BAIAP2: variants seen among roughly 807,000 people sequenced by gnomAD.
BAIAP2 encodes the protein BAR/IMD domain containing adaptor protein 2.
BAIAP2 carries 18 observed loss-of-function variants against 63.0 expected under a neutral mutation model. The observed-to-expected ratio is 0.29, with a 90% CI of 0.20 to 0.42. The LOEUF (loss-of-function observed/expected upper bound fraction) is 0.42. Among genes scored for constraint, BAIAP2 ranks in the 10% least tolerant of loss-of-function variants. BAIAP2 has a pLI of 1.00. For missense variants in BAIAP2, 610 were observed against 734.3 expected (o/e 0.83, Z 1.96); for synonymous variants, 386 against 307.6 (o/e 1.25, Z -2.67).
rs760526430 is a variant in BAIAP2 at position 81,057,939 on chromosome 17, C to T, written c.189C>T (p.Ala63=). The stretch of plus-strand genomic sequence containing the variant: ...CCCTGGTGAAGATGGGGGAGCTGGC[C>T]AGCGAGAGCCAGGGCTCCAAAGAAC... The part of the protein sequence containing the change: ...FDALVKMGEL[A]SESQGSKELG... Residue 63 remains alanine, a synonymous_variant, in exon 3 of 14, where the codon GCC becomes GCT. Transcript: ENST00000428708. The T allele has an allele frequency of 2.5e-6, 4 of 1,587,416 alleles. No homozygotes were observed. Among genetic ancestry groups the T allele is most frequent in the Middle Eastern group, 1.8e-4 (1 of 5,700 alleles).
At chr17:81,081,793 C>T (rs1266319594) in intron 3 of BAIAP2, among the ~76,000 whole-genome samples, 1 of 152,182 alleles carries the variant, frequency 6.6e-6, no homozygotes, top group Non-Finnish European at 1.5e-5. Context: ...GAGAGGCCAC[C>T]GCAGTGGTGC....
chr17:81,049,135 C>T (rs902419467), intron 1 of BAIAP2, among the ~76,000 whole-genome samples: 5 of 152,266 alleles, frequency 3.3e-5, no homozygotes, highest in African/African-American at 9.6e-5. Flanking sequence ...CACAGCAGAG[C>T]TCTGCACGCG....
chr17:81,078,094 G>A (rs902727554), intron 3 of BAIAP2, among the ~76,000 whole-genome samples: 2 of 150,262 alleles, frequency 1.3e-5, no homozygotes, highest in African/African-American at 2.5e-5. Context: ...TCTGGGTGCC[G>A]GTGCGGGTGT....
rs543773169 is a variant in BAIAP2 at position 81,055,960 on chromosome 17, G to A, written c.131-1921G>A. 2.4e-4 allele frequency among the ~76,000 whole-genome samples: 36 copies of A among 152,248 alleles called. 1 individual carries two copies. The highest frequency in any genetic ancestry group is 6.7e-4 in the African/African-American group (28 of 41,550). On this transcript the variant is annotated intron_variant, in intron 2 of 13. Coordinates refer to ENST00000428708, the MANE Select transcript of BAIAP2 (RefSeq NM_001144888.2). ...CTTCTTGGATGAGGTAGTGGAGGTC[G>A]GCAGCAGAGCCTGTGGCAGCTCTGA...
chr17:81,113,028 C>T (rs1218942384), intron 13 of BAIAP2, among the ~76,000 whole-genome samples: 1 of 152,136 alleles, frequency 6.6e-6, no homozygotes, highest in Non-Finnish European at 1.5e-5. Flanking sequence ...GCATTCCAGC[C>T]CGGAAGACAG....
chr17:81,116,461 AGGCCCC>A lies in BAIAP2; in HGVS notation c.*623_*628del. ...TCCCCAGGCCCCTCCTGCCTCGGGC[AGGCCCC>A]AGCCCTCCTCCTTACCCAACCTCCC... On this transcript the variant is annotated 3_prime_UTR_variant, in exon 14 of 14. Transcript: ENST00000428708. 1 of 927,896 alleles carries A rather than the reference AGGCCCC, an allele frequency of 1.1e-6. No individual in the cohort carries two copies. The highest frequency in any genetic ancestry group is 1.6e-6 in the Non-Finnish European group (1 of 636,942). The allele number at this position is 927,896 out of a possible 1,614,324, so 57.5% of individuals were successfully genotyped here. A position where few individuals can be genotyped will look rare whatever the true frequency, so the allele number is the denominator to read the frequency against.
chr17:81,048,047 G>A (rs146628530), intron 1 of BAIAP2, among the ~76,000 whole-genome samples: 209 of 152,342 alleles, frequency 1.4e-3, no homozygotes, highest in Middle Eastern at 0.01. Flanking sequence ...CCAGGAAAGC[G>A]CTGGAGAGGC....
intron 6 of BAIAP2, 52 bp downstream of exon 6, chr17:81,086,632 C>A (rs1486006571): frequency 1.2e-6 from 2 of 1,602,804 alleles, no homozygotes; most frequent in Non-Finnish European, 8.5e-7. Context: ...TGGGACTGCT[C>A]ACCCCTCGGC....
At chr17:81,098,010 G>A in intron 6 of BAIAP2, 1 of 926,304 alleles carries the variant, frequency 1.1e-6, no homozygotes, top group Non-Finnish European at 1.4e-6. Context: ...CGGGTGCCGG[G>A]TGTCAGCTGT....
At chr17:81,088,399 T>C (rs1406038142) in intron 6 of BAIAP2, among the ~76,000 whole-genome samples, 1 of 152,224 alleles carries the variant, frequency 6.6e-6, no homozygotes, top group Non-Finnish European at 1.5e-5. Flanking sequence ...TGAGATATAA[T>C]TCACATCACC....
chr17:81,108,877 G>GA (rs2059513340), intron 13 of BAIAP2: 1 of 1,490,510 alleles, frequency 6.7e-7, no homozygotes, highest in Admixed American at 2.2e-5. Flanking sequence ...GGGAGCTGCT[G>GA]AAAGGGGCAT....
At chr17:81,069,493 C>T (rs139791586) in intron 3 of BAIAP2, among the ~76,000 whole-genome samples, 168 of 152,322 alleles carry the variant, frequency 1.1e-3, no homozygotes, top group African/African-American at 3.2e-3. Context: ...GGCTTCTCGG[C>T]GGCCCCCGCT....
chr17:81,103,752 C>CCG, intron 8 of BAIAP2, 29 bp downstream of exon 8: 4 of 718,456 alleles, frequency 5.6e-6, no homozygotes, highest in Non-Finnish European at 6.8e-6. Context: ...GAAAGCTTCA[C>CCG]GGGTGTGGGT....
intron 6 of BAIAP2, among the ~76,000 whole-genome samples, chr17:81,094,246 T>G (rs1324557343): frequency 6.6e-6 from 1 of 152,200 alleles, no homozygotes; most frequent in Non-Finnish European, 1.5e-5. Flanking sequence ...CTAGCCTGTT[T>G]GTGTGTCTAG....
chr17:81,113,471 G>A (rs1488505109), intron 13 of BAIAP2, among the ~76,000 whole-genome samples: 1 of 152,220 alleles, frequency 6.6e-6, no homozygotes, highest in Non-Finnish European at 1.5e-5. Flanking sequence ...TCAGCACAGC[G>A]AGCTCCCCGC....
intron 10 of BAIAP2, chr17:81,104,972 C>CTCCTGT: frequency 2.2e-6 from 1 of 461,856 alleles, no homozygotes. Context: ...GATCTCCCCC[C>CTCCTGT]AACAGCAGGG....
intron 13 of BAIAP2, among the ~76,000 whole-genome samples, chr17:81,115,269 C>T (rs949112234): frequency 1.3e-5 from 2 of 152,344 alleles, no homozygotes; most frequent in Admixed American, 6.5e-5. Context: ...TGCAGCCCTG[C>T]GGGAGCCGTG....
chr17:81,105,875 C>T (rs751143972), intron 10 of BAIAP2: 60 of 539,558 alleles, frequency 1.1e-4, no homozygotes, highest in Non-Finnish European at 1.8e-4. Flanking sequence ...TTGAGGACAG[C>T]CCGGGCCACC....
At chr17:81,043,846 C>T (rs544110590) in intron 1 of BAIAP2, among the ~76,000 whole-genome samples, 29 of 152,384 alleles carry the variant, frequency 1.9e-4, no homozygotes, top group Admixed American at 1.7e-3. Context: ...TCTGTCCTTC[C>T]GTTCGGGAGT....
Sources: gnomAD v4.1 joint callset for allele counts (sites outside exome capture counted in the v4.1 genomes callset) on GRCh38, gnomAD v4.1.1 for gene constraint, MANE v1.5 for transcripts, NCBI Gene and HGNC (gene_info 2026-07-23, HGNC 2026-07-21) for gene names.